SAE1: variants seen among roughly 807,000 people sequenced by gnomAD.
SAE1 encodes SUMO1 activating enzyme subunit 1, also known as SUMO-activating enzyme subunit 1.
SAE1 carries 11 observed loss-of-function variants against 40.6 expected under a neutral mutation model. The observed-to-expected ratio is 0.27, with a 90% CI of 0.17 to 0.45. The LOEUF (loss-of-function observed/expected upper bound fraction) is 0.45. SAE1 is among the 20% of genes least tolerant of loss of function. The pLI is 1.00. For synonymous variants in SAE1, 155 were observed against 154.3 expected (o/e 1.00, Z -0.03); for missense variants, 373 against 427.3 (o/e 0.87, Z 1.12).
intron 1 of SAE1, among the ~76,000 whole-genome samples, chr19:47,133,188 A>C (rs2058157873): frequency 6.6e-6 from 1 of 152,126 alleles, no homozygotes; most frequent in Non-Finnish European, 1.5e-5. Flanking sequence ...AACCTGTTGG[A>C]GTGTTTTGAG....
chr19:47,178,149 G>C (rs909982734), intron 6 of SAE1, among the ~76,000 whole-genome samples: 1 of 152,028 alleles, frequency 6.6e-6, no homozygotes, highest in African/African-American at 2.4e-5. Context: ...GGGGAGGCAG[G>C]AGAATCGCTT....
At chr19:47,164,860 G>A (rs535464487) in intron 5 of SAE1, among the ~76,000 whole-genome samples, 1 of 151,464 alleles carries the variant, frequency 6.6e-6, no homozygotes, top group South Asian at 2.1e-4. Flanking sequence ...CACCGTGTTA[G>A]CCAGGATGGT....
At chr19:47,184,707 G>A (rs1417014007) in intron 6 of SAE1, among the ~76,000 whole-genome samples, 1 of 151,770 alleles carries the variant, frequency 6.6e-6, no homozygotes. Context: ...CACCACTGCC[G>A]GCCTCGTTCT....
At chr19:47,135,211 T>C (rs567736452) in intron 1 of SAE1, among the ~76,000 whole-genome samples, 4 of 152,282 alleles carry the variant, frequency 2.6e-5, no homozygotes, top group Admixed American at 1.3e-4. Flanking sequence ...CTTTGAAATG[T>C]ACAACAAATT....
At chr19:47,202,288 T>G (rs370088654) in intron 7 of SAE1, among the ~76,000 whole-genome samples, 2 of 151,736 alleles carry the variant, frequency 1.3e-5, no homozygotes, top group South Asian at 2.1e-4. Context: ...TTATACCTAT[T>G]TATTTATTTA....
Position 47,130,977 on chromosome 19 carries a change from C to A in SAE1, c.47C>A (p.Ala16Glu). 1 of 1,548,732 alleles carries A rather than the reference C, an allele frequency of 6.5e-7. No individual in the cohort carries two copies. The change falls in exon 1 of 9, where the codon GCG becomes GAG. Residue 16 changes from alanine to glutamate, a missense_variant. By Grantham distance (107) the Ala-to-Glu change is moderately radical (BLOSUM62 -1). Transcript: ENST00000270225. ...EAGGGISEEE[A>E]AQYDRQIRLW... is the part of the protein sequence containing the mutation. ...GGCGGCGGCATTAGCGAGGAGGAGG[C>A]GGCACAGTATGACCGGCAGATCCGC...
intron 4 of SAE1, among the ~76,000 whole-genome samples, chr19:47,153,851 G>A (rs748141889): frequency 1.3e-5 from 2 of 152,010 alleles, no homozygotes; most frequent in Non-Finnish European, 2.9e-5. Flanking sequence ...GAGTGCAATG[G>A]CACCATCTCA....
intron 1 of SAE1, among the ~76,000 whole-genome samples, chr19:47,135,327 C>A (rs975399997): frequency 6.6e-6 from 1 of 152,070 alleles, no homozygotes; most frequent in East Asian, 1.9e-4. Flanking sequence ...CCCTCCACCC[C>A]CCACTACCCT....
intron 6 of SAE1, among the ~76,000 whole-genome samples, chr19:47,174,961 G>T (rs908419802): frequency 3.3e-5 from 5 of 151,532 alleles, no homozygotes; most frequent in Admixed American, 3.3e-4. Flanking sequence ...CTCCTGCCTC[G>T]GTCTCCCAAA....
intron 8 of SAE1, 70 bp downstream of exon 8, chr19:47,203,810 A>G: frequency 7.3e-7 from 1 of 1,365,730 alleles, no homozygotes; most frequent in Non-Finnish European, 1.0e-6. Flanking sequence ...AGAGAATGGA[A>G]ACTGTCTTAG....
chr19:47,190,039 T>C (rs1021112813), intron 6 of SAE1, among the ~76,000 whole-genome samples: 4 of 152,196 alleles, frequency 2.6e-5, no homozygotes. Context: ...GTGCTTGGTT[T>C]CTCTTTTCCA....
intron 6 of SAE1, among the ~76,000 whole-genome samples, chr19:47,191,310 A>G (rs2058576342): frequency 6.6e-6 from 1 of 151,914 alleles, no homozygotes. Flanking sequence ...ACAGAGTGAG[A>G]CTCCATCTCA....
chr19:47,158,905 C>T (rs1356544364), intron 5 of SAE1, among the ~76,000 whole-genome samples: 4 of 152,144 alleles, frequency 2.6e-5, no homozygotes, highest in Admixed American at 6.6e-5. Context: ...GCTAGGGTAA[C>T]GTGACATATT....
intron 1 of SAE1, among the ~76,000 whole-genome samples, chr19:47,138,179 G>T (rs1474558380): frequency 6.6e-6 from 1 of 152,140 alleles, no homozygotes; most frequent in African/African-American, 2.4e-5. Flanking sequence ...AAGTAGCTGG[G>T]ATTACAGGCG....
At chr19:47,203,559 C>T (rs1600219493) in intron 7 of SAE1, 112 bp from the exon 8 acceptor site, 9 of 875,692 alleles carry the variant, frequency 1.0e-5, no homozygotes, top group South Asian at 9.0e-5. Flanking sequence ...GAATCGGGCC[C>T]TCCTGCTAGA....
intron 6 of SAE1, among the ~76,000 whole-genome samples, chr19:47,185,910 C>G (rs925814145): frequency 9.3e-5 from 14 of 150,556 alleles, no homozygotes; most frequent in African/African-American, 3.4e-4. Flanking sequence ...CCCCCAAAAT[C>G]TGAAATGTTT....
At chr19:47,140,251 C>T (rs372444941) in intron 1 of SAE1, among the ~76,000 whole-genome samples, 6 of 151,884 alleles carry the variant, frequency 4.0e-5, no homozygotes, top group South Asian at 2.1e-4. Flanking sequence ...GGACTACAGG[C>T]GCCCGCCACC....
intron 1 of SAE1, among the ~76,000 whole-genome samples, chr19:47,138,277 C>A (rs982289362): frequency 1.3e-5 from 2 of 152,136 alleles, no homozygotes; most frequent in African/African-American, 4.8e-5. Context: ...CTCCTGACCT[C>A]AGGTGATCTA....
At chr19:47,152,860 G>C in intron 3 of SAE1, 38 bp from the exon 4 acceptor site, 6 of 1,603,750 alleles carry the variant, frequency 3.7e-6, no homozygotes, top group Non-Finnish European at 5.1e-6. Flanking sequence ...TTCACAGTTT[G>C]CAAAACTCAA....
Sources: gnomAD v4.1 joint callset for allele counts (sites outside exome capture counted in the v4.1 genomes callset) on GRCh38, gnomAD v4.1.1 for gene constraint, MANE v1.5 for transcripts, NCBI Gene and HGNC (gene_info 2026-07-23, HGNC 2026-07-21) for gene names.